The following SYT1 variants were observed in gnomAD, a reference collection of about 807,000 sequenced individuals.
The protein encoded by SYT1 is synaptotagmin 1, also known as synaptotagmin-1.
SYT1 carries 8 observed loss-of-function variants against 44.8 expected under a neutral mutation model. That is an observed-to-expected ratio of 0.18 (90% CI 0.10 to 0.32). SYT1 has a LOEUF of 0.32. Ranked by LOEUF, SYT1 falls within the 10% of genes least tolerant of loss-of-function variation. The pLI is 1.00. For missense variants in SYT1, 286 were observed against 509.3 expected (o/e 0.56, Z 4.22); for synonymous variants, 154 against 188.8 (o/e 0.82, Z 1.51).
chr12:79,353,910 A>G (rs1368049915), intron 9 of SYT1, among the ~76,000 whole-genome samples: 1 of 152,150 alleles, frequency 6.6e-6, no homozygotes, highest in African/African-American at 2.4e-5. Context: ...TCTGAAAGAG[A>G]GTGTTCATGA....
chr12:78,925,943 A>G (rs934568366), intron 1 of SYT1, among the ~76,000 whole-genome samples: 1 of 152,080 alleles, frequency 6.6e-6, no homozygotes, highest in African/African-American at 2.4e-5. Flanking sequence ...TTTCCTAGCT[A>G]AGAAATAATG....
intron 3 of SYT1, among the ~76,000 whole-genome samples, chr12:79,206,720 G>T (rs1294715864): frequency 6.6e-6 from 1 of 152,152 alleles, no homozygotes; most frequent in African/African-American, 2.4e-5. Flanking sequence ...ATTACTTCTG[G>T]CTATAAATTC....
intron 8 of SYT1, 109 bp from the exon 9 acceptor site, chr12:79,353,393 A>G: frequency 2.3e-6 from 2 of 862,970 alleles, no homozygotes; most frequent in Non-Finnish European, 1.8e-6. Context: ...TACAATTTTC[A>G]AATTCTAATC....
At chr12:79,248,643 G>A (rs1027247463) in intron 4 of SYT1, among the ~76,000 whole-genome samples, 1 of 152,156 alleles carries the variant, frequency 6.6e-6, no homozygotes, top group Admixed American at 6.5e-5. Context: ...TAACTTTACT[G>A]AAGACTAAAA....
intron 3 of SYT1, among the ~76,000 whole-genome samples, chr12:79,070,120 A>G (rs1172280696): frequency 2.0e-5 from 3 of 152,138 alleles, no homozygotes; most frequent in Admixed American, 2.0e-4. Flanking sequence ...TTTATCAAGC[A>G]TTTCTGCTAG....
At chr12:78,961,455 C>T (rs1879499602) in intron 1 of SYT1, among the ~76,000 whole-genome samples, 1 of 152,038 alleles carries the variant, frequency 6.6e-6, no homozygotes, top group African/African-American at 2.4e-5. Context: ...TCTAATGATG[C>T]AAGATTTCTG....
chr12:78,970,871 T>C (rs1177438595), intron 1 of SYT1, among the ~76,000 whole-genome samples: 1 of 152,172 alleles, frequency 6.6e-6, no homozygotes, highest in Non-Finnish European at 1.5e-5. Context: ...ATTATACCCA[T>C]TGTTTTTGTT....
intron 3 of SYT1, among the ~76,000 whole-genome samples, chr12:79,152,751 A>G (rs1413094336): frequency 6.6e-6 from 1 of 151,886 alleles, no homozygotes; most frequent in East Asian, 1.9e-4. Flanking sequence ...ATGGAAAGGG[A>G]AGCTTGACTA....
chr12:79,079,713 T>C (rs1329094226), intron 3 of SYT1, among the ~76,000 whole-genome samples: 1 of 152,114 alleles, frequency 6.6e-6, no homozygotes, highest in Non-Finnish European at 1.5e-5. Context: ...AAATAAATAA[T>C]TTTATTCATT....
rs1873012235 is a variant in SYT1, at chr12:79,034,627, A to G, written c.-83-12670A>G. ...GAAGCTGAATGTGATAAACATATGC[A>G]ATCTGCTGAATGCAGCTTATTAAAT... On this transcript the variant is annotated intron_variant, in intron 2 of 10. Transcript: ENST00000261205. 2.0e-5 allele frequency among the ~76,000 whole-genome samples: 3 copies of G among 151,844 alleles called. 1 individual carries two copies. The highest frequency in any genetic ancestry group is 4.4e-5 in the Non-Finnish European group (3 of 67,766).
chr12:79,126,178 T>C (rs1868425260), intron 3 of SYT1, among the ~76,000 whole-genome samples: 1 of 152,274 alleles, frequency 6.6e-6, no homozygotes, highest in African/African-American at 2.4e-5. Context: ...TCAGCACATT[T>C]AAAATACATA....
chr12:79,276,973 A>AGAGGAG (rs1037328321), intron 4 of SYT1, among the ~76,000 whole-genome samples: 1 of 138,562 alleles, frequency 7.2e-6, no homozygotes, highest in Non-Finnish European at 1.7e-5. Context: ...AGGAGGAGGA[A>AGAGGAG]GAGGAGGAGG....
At chr12:79,199,953 G>A (rs1391520249) in intron 3 of SYT1, among the ~76,000 whole-genome samples, 1 of 152,032 alleles carries the variant, frequency 6.6e-6, no homozygotes, top group Non-Finnish European at 1.5e-5. Flanking sequence ...ATAATGGTGA[G>A]GAACTTTGTT....
intron 4 of SYT1, among the ~76,000 whole-genome samples, chr12:79,221,209 T>C (rs1592866249): frequency 6.6e-6 from 1 of 152,196 alleles, no homozygotes; most frequent in Admixed American, 6.5e-5. Context: ...ACTTTTGCTT[T>C]TATTTTATTT....
chr12:79,381,011 C>T lies in SYT1; in HGVS notation c.928+27392C>T, dbSNP rs543078175. Among the ~76,000 whole-genome samples the T allele has an allele frequency of 1.6e-3, 247 of 152,256 alleles. 1 individual carries two copies. The highest frequency in any genetic ancestry group is 2.8e-3 in the Non-Finnish European group (191 of 68,016). ...CAATCTTTCCCTCATTTAATTCCTACGACAAAACTAGGTAATACTGTCATT... is the reference window on the plus strand; with the variant it reads ...CAATCTTTCCCTCATTTAATTCCTATGACAAAACTAGGTAATACTGTCATT... On this transcript the variant is annotated intron_variant, in intron 9 of 10. Coordinates refer to ENST00000261205, the MANE Select transcript of SYT1 (RefSeq NM_005639.3).
chr12:79,179,360 A>AGACATATCGATATATCTATATC (rs1872268529), intron 3 of SYT1, among the ~76,000 whole-genome samples: 2 of 66,450 alleles, frequency 3.0e-5, no homozygotes, highest in Non-Finnish European at 5.1e-5. Context: ...ATATCGATAT[A>AGACATATCGATATATCTATATC]GATATAGATA....
chr12:79,154,337 T>C (rs562142274), intron 3 of SYT1, among the ~76,000 whole-genome samples: 1 of 152,202 alleles, frequency 6.6e-6, no homozygotes, highest in East Asian at 1.9e-4. Context: ...CCCATTGTTA[T>C]GAGAACATTA....
chr12:79,367,316 G>A (rs929276622), intron 9 of SYT1, among the ~76,000 whole-genome samples: 3 of 152,080 alleles, frequency 2.0e-5, no homozygotes, highest in African/African-American at 7.2e-5. Flanking sequence ...ATGAACCACC[G>A]CAAGTTGGAA....
chr12:79,272,720 C>G (rs1221897859), intron 4 of SYT1, among the ~76,000 whole-genome samples: 1 of 152,100 alleles, frequency 6.6e-6, no homozygotes, highest in African/African-American at 2.4e-5. Context: ...GGAAGATAAC[C>G]AAGGGGCTGA....
Sources: allele counts gnomAD v4.1 joint callset (sites outside exome capture counted in the v4.1 genomes callset), GRCh38; gene constraint gnomAD v4.1.1; transcripts MANE v1.5; gene names NCBI Gene and HGNC (gene_info 2026-07-23, HGNC 2026-07-21).